The following N4BP1 variants were observed in gnomAD, a reference collection of about 807,000 sequenced individuals.
N4BP1 encodes the protein NEDD4 binding protein 1, also known as NEDD4-binding protein 1.
Under a neutral mutation model 70.9 loss-of-function variants are expected in N4BP1, and 21 were observed. The ratio of observed to expected loss-of-function variants is 0.30; its 90% CI spans 0.21 to 0.43. N4BP1 has a LOEUF of 0.43. Among genes scored for constraint, N4BP1 ranks in the 20% least tolerant of loss-of-function variants. N4BP1 has a pLI of 1.00. For synonymous variants in N4BP1, 387 were observed against 394.6 expected (o/e 0.98, Z 0.23); for missense variants, 936 against 1,069.4 (o/e 0.88, Z 1.74).
chr16:48,566,227 T>C (rs1407184577), intron 1 of N4BP1, among the ~76,000 whole-genome samples: 4 of 152,068 alleles, frequency 2.6e-5, no homozygotes, highest in Non-Finnish European at 5.9e-5. Context: ...ATTATTATTA[T>C]AGAGGCAAGA....
intron 5 of N4BP1, among the ~76,000 whole-genome samples, chr16:48,547,770 C>G (rs1567426016): frequency 6.6e-6 from 1 of 152,222 alleles, no homozygotes; most frequent in Non-Finnish European, 1.5e-5. Context: ...GCAGTGACAG[C>G]AGAGCATGCC....
chr16:48,597,001 G>A (rs1006141202), intron 1 of N4BP1, among the ~76,000 whole-genome samples: 1 of 152,102 alleles, frequency 6.6e-6, no homozygotes, highest in Non-Finnish European at 1.5e-5. Flanking sequence ...TCCCACCCAG[G>A]AACAGAAGAC....
At chr16:48,551,534 A>C in intron 3 of N4BP1, 52 bp from the exon 4 acceptor site, 2 of 1,276,628 alleles carry the variant, frequency 1.6e-6, no homozygotes, top group Non-Finnish European at 2.2e-6. Flanking sequence ...ATCTTCCCAA[A>C]TGTATCAAGA....
At chr16:48,609,101 G>A (rs1877307966) in intron 1 of N4BP1, among the ~76,000 whole-genome samples, 1 of 151,150 alleles carries the variant, frequency 6.6e-6, no homozygotes, top group African/African-American at 2.4e-5. Context: ...TATAGTACTA[G>A]CTACTCGGGA....
intron 1 of N4BP1, chr16:48,603,762 T>C (rs1201728775): frequency 6.6e-6 from 1 of 152,108 alleles, no homozygotes; most frequent in Non-Finnish European, 1.5e-5. Flanking sequence ...ACCTCCAGAA[T>C]TCTCCAATAC....
In N4BP1 at chr16:48,598,069, A is replaced by G. The variant is rs550041134; in HGVS notation, c.198+11706T>C. Reference sequence around the variant, plus strand: ...AACTCCCTCTATAAATGCCAAGTGGAACATCCCAGACAAAGCAACTGATGT... The same window carrying G: ...AACTCCCTCTATAAATGCCAAGTGGGACATCCCAGACAAAGCAACTGATGT... On this transcript the variant is annotated intron_variant, in intron 1 of 6. Coordinates refer to ENST00000262384, the MANE Select transcript of N4BP1 (RefSeq NM_153029.4). Among the ~76,000 whole-genome samples, 8 of 152,330 alleles carry G rather than the reference A, an allele frequency of 5.3e-5. No individual in the cohort carries two copies. The East Asian group carries it at 1.4e-3, about 26-fold the overall frequency.
intron 2 of N4BP1, among the ~76,000 whole-genome samples, chr16:48,556,134 T>C (rs1963750030): frequency 6.6e-6 from 1 of 152,164 alleles, no homozygotes; most frequent in African/African-American, 2.4e-5. Flanking sequence ...AATTCCAAAG[T>C]GTTATTCTCA....
intron 1 of N4BP1, among the ~76,000 whole-genome samples, chr16:48,564,172 A>G (rs1963904118): frequency 6.6e-6 from 1 of 152,104 alleles, no homozygotes; most frequent in Non-Finnish European, 1.5e-5. Context: ...CCTGGTCTGT[A>G]GTTTGTCTTC....
In N4BP1 at chr16:48,539,623, C is replaced by A. The variant is rs773818593; in HGVS notation, c.*3281G>T. The A allele has an allele frequency of 3.9e-5, 6 of 152,260 alleles. No individual in the cohort carries two copies. Among genetic ancestry groups the A allele is most frequent in the Non-Finnish European group, 7.3e-5 (5 of 68,094 alleles). The allele number at this position is 152,260 out of a possible 1,614,324, so 9.4% of individuals were successfully genotyped here. On this transcript the variant is annotated 3_prime_UTR_variant, in exon 7 of 7. Coordinates refer to ENST00000262384, the MANE Select transcript of N4BP1 (RefSeq NM_153029.4). ...GGGAATGCGCTCATTTGCAGATTCC[C>A]GGGCCTTCCTCCAGAACTACTGGGC...
chr16:48,604,602 TAA>T (rs11423007), intron 1 of N4BP1, among the ~76,000 whole-genome samples: 1 of 138,514 alleles, frequency 7.2e-6, no homozygotes, highest in Non-Finnish European at 1.6e-5. Context: ...CAAAAAAAGG[TAA>T]AAAAAAAAAC....
At position 48,538,932 on chromosome 16, in the gene N4BP1, A is replaced by T. The variant is rs930616192; in HGVS notation, c.*3972T>A. 1 of 152,304 alleles carries T rather than the reference A, an allele frequency of 6.6e-6. No homozygotes were observed. The highest frequency in any genetic ancestry group is 1.5e-5 in the Non-Finnish European group (1 of 68,112). 9.4% of individuals were successfully genotyped at this position (152,304 alleles called of 1,614,324 possible). A position where few individuals can be genotyped will look rare whatever the true frequency, so the allele number is the denominator to read the frequency against. On this transcript the variant is annotated 3_prime_UTR_variant, in exon 7 of 7. Transcript: ENST00000262384. ...AGACACAAAGTGCTGTGCGGTCACA[A>T]CATCATGGGGATGCTTCTGGCAGAA...
intron 1 of N4BP1, among the ~76,000 whole-genome samples, chr16:48,584,312 T>C (rs1363679234): frequency 6.6e-6 from 1 of 152,220 alleles, no homozygotes; most frequent in East Asian, 1.9e-4. Context: ...GAACTGTCTT[T>C]TTGAAATCTG....
At position 48,543,203 on chromosome 16, in the gene N4BP1, T is replaced by G. The variant is rs982587642; in HGVS notation, c.2392A>C (p.Arg798=). The G allele has an allele frequency of 3.2e-6, 5 of 1,574,002 alleles. No homozygotes were observed. The highest frequency in any genetic ancestry group is 4.3e-6 in the Non-Finnish European group (5 of 1,157,764). Residue 798 remains arginine (R), a synonymous_variant, in exon 7 of 7, where the codon AGA becomes CGA. Transcript: ENST00000262384. The part of the protein sequence containing the change: ...PNVGMFDPSF[R]VPGTQAASTS... Reference sequence around the variant, plus strand: ...CTGGCTGCCTGGGTGCCAGGGACTCTGAAGCTGGGGTCAAACATGCCCACA... The same window carrying G: ...CTGGCTGCCTGGGTGCCAGGGACTCGGAAGCTGGGGTCAAACATGCCCACA...
At position 48,542,979 on chromosome 16, in the gene N4BP1, C is replaced by A. The variant is rs1963528581; in HGVS notation, c.2616G>T (p.Leu872=). 1.2e-6 allele frequency: 2 copies of A among 1,613,920 alleles called. No homozygotes were observed. The highest frequency in any genetic ancestry group is 1.7e-5 in the Admixed American group (1 of 60,014). ...LKIFPDSEQR[L]KIDQILVAHP... ...GGGCCACCAAGATCTGGTCTATTTT[C>A]AGTCTTTGCTCTGAGTCAGGGAAGA... Residue 872 remains leucine (L), a synonymous_variant, in exon 7 of 7, where the codon CTG becomes CTT. Transcript: ENST00000262384.
intron 4 of N4BP1, among the ~76,000 whole-genome samples, chr16:48,548,578 G>A (rs1028167831): frequency 2.0e-5 from 3 of 152,022 alleles, no homozygotes; most frequent in African/African-American, 7.3e-5. Flanking sequence ...CGAGTGTGGT[G>A]GCTCACGCCT....
At chr16:48,609,414 G>A (rs1482899879) in intron 1 of N4BP1, among the ~76,000 whole-genome samples, 1 of 152,178 alleles carries the variant, frequency 6.6e-6, no homozygotes, top group Non-Finnish European at 1.5e-5. Context: ...AACAGGCCTT[G>A]CGTACCATCC....
rs554407984 is a variant in N4BP1, at chr16:48,601,710, GT to G, written c.198+8064del. Among the ~76,000 whole-genome samples, 204 of 82,288 alleles carry G rather than the reference GT, an allele frequency of 2.5e-3. 2 individuals are homozygous for G. The highest frequency in any genetic ancestry group is 0.024 in the Admixed American group (179 of 7,350). The allele number at this position is 82,288 out of a possible 152,430, so 54.0% of individuals were successfully genotyped here. A position where few individuals can be genotyped will look rare whatever the true frequency, so the allele number is the denominator to read the frequency against. ...TCTTTCTAAAAAAAGGTTTTTTGTG[GT>G]TTTTTTTGGTCTTTAAGAGACAAGA... On this transcript the variant is annotated intron_variant, in intron 1 of 6. Transcript: ENST00000262384.
At chr16:48,596,495 C>A (rs896883921) in intron 1 of N4BP1, among the ~76,000 whole-genome samples, 2 of 152,164 alleles carry the variant, frequency 1.3e-5, no homozygotes, top group African/African-American at 2.4e-5. Context: ...TGACTGACGG[C>A]CCTTTCCCAA....
At chr16:48,559,757 G>A (rs1963825029) in intron 2 of N4BP1, 1 of 152,164 alleles carries the variant, frequency 6.6e-6, no homozygotes, top group South Asian at 2.1e-4. Context: ...TATAAATACT[G>A]CCAGCCCTCA....
Sources: allele counts gnomAD v4.1 joint callset (sites outside exome capture counted in the v4.1 genomes callset), GRCh38; gene constraint gnomAD v4.1.1; transcripts MANE v1.5; gene names NCBI Gene and HGNC (gene_info 2026-07-23, HGNC 2026-07-21).